Variants in ROBO2 observed in about 807,000 individuals in gnomAD.
The protein encoded by ROBO2 is roundabout guidance receptor 2.
Under a neutral mutation model 160.8 loss-of-function variants are expected in ROBO2, and 53 were observed. That is an observed-to-expected ratio of 0.33 (90% CI 0.26 to 0.41). The LOEUF is 0.41. ROBO2 is among the 10% of genes least tolerant of loss of function. The pLI is 1.00. For synonymous variants in ROBO2, 664 were observed against 611.7 expected (o/e 1.09, Z -1.26); for missense variants, 1,577 against 1,722.4 (o/e 0.92, Z 1.49).
At chr3:77,463,075 A>G (rs2082404652) in intron 2 of ROBO2, among the ~76,000 whole-genome samples, 1 of 152,172 alleles carries the variant, frequency 6.6e-6, no homozygotes, top group Non-Finnish European at 1.5e-5. Context: ...CTTTAGCACC[A>G]TGAGGGGACC....
At chr3:77,497,255 CA>C (rs2086909347) in intron 5 of ROBO2, among the ~76,000 whole-genome samples, 1 of 152,018 alleles carries the variant, frequency 6.6e-6, no homozygotes, top group African/African-American at 2.4e-5. Context: ...TAGAAGATTT[CA>C]ATACATATGT....
At chr3:76,964,858 G>GTAAT (rs2079955259) in intron 2 of ROBO2, among the ~76,000 whole-genome samples, 1 of 152,184 alleles carries the variant, frequency 6.6e-6, no homozygotes, top group Admixed American at 6.5e-5. Flanking sequence ...ACTACTTTTA[G>GTAAT]TAATTCATAG....
intron 2 of ROBO2, among the ~76,000 whole-genome samples, chr3:76,735,657 G>A (rs2093696240): frequency 6.6e-6 from 1 of 150,834 alleles, no homozygotes; most frequent in Admixed American, 6.6e-5. Context: ...AGCTACTAGA[G>A]AGGCTGAGGT....
chr3:76,211,390 A>G (rs1359638978), intron 2 of ROBO2, among the ~76,000 whole-genome samples: 1 of 152,108 alleles, frequency 6.6e-6, no homozygotes, highest in Non-Finnish European at 1.5e-5. Context: ...TAGAAAAAAG[A>G]ATGTCAGATA....
chr3:77,380,293 T>C (rs1469897166), intron 2 of ROBO2, among the ~76,000 whole-genome samples: 1 of 152,186 alleles, frequency 6.6e-6, no homozygotes, highest in Non-Finnish European at 1.5e-5. Context: ...CATCTGTTCC[T>C]TCTTGATGAT....
intron 2 of ROBO2, among the ~76,000 whole-genome samples, chr3:77,474,400 G>A (rs924962978): frequency 1.3e-5 from 2 of 152,094 alleles, no homozygotes; most frequent in Non-Finnish European, 1.5e-5. Flanking sequence ...AGGCAAAGGG[G>A]ACGCTTTCCC....
At chr3:76,571,599 A>C (rs2084961614) in intron 2 of ROBO2, among the ~76,000 whole-genome samples, 1 of 152,134 alleles carries the variant, frequency 6.6e-6, no homozygotes, top group Non-Finnish European at 1.5e-5. Flanking sequence ...AATTCATAGG[A>C]GTTAGGTAAT....
At position 77,316,953 on chromosome 3, in the gene ROBO2, C is replaced by T. The variant is rs184736138; in HGVS notation, c.389-160461C>T. On this transcript the variant is annotated intron_variant, in intron 2 of 25. Coordinates refer to ENST00000461745, the Ensembl canonical transcript of ROBO2. Reference sequence around the variant, plus strand: ...GATACTTGGCTGCTGTTCCGAAGCGCGTGTTACTGTTTCCTGCTGTCCAGA... The same window carrying T: ...GATACTTGGCTGCTGTTCCGAAGCGTGTGTTACTGTTTCCTGCTGTCCAGA... 7.6e-5 allele frequency: 103 copies of T among 1,349,030 alleles called. 1 individual carries two copies. The highest frequency in any genetic ancestry group is 9.5e-5 in the Non-Finnish European group (89 of 940,204). The allele number at this position is 1,349,030 out of a possible 1,614,324, so 83.6% of individuals were successfully genotyped here. A position where few individuals can be genotyped will look rare whatever the true frequency, so the allele number is the denominator to read the frequency against.
At chr3:76,927,181 A>C (rs2077040622) in intron 2 of ROBO2, among the ~76,000 whole-genome samples, 1 of 152,156 alleles carries the variant, frequency 6.6e-6, no homozygotes, top group South Asian at 2.1e-4. Flanking sequence ...ACTAATTTTC[A>C]TTGGATTCAA....
chr3:77,406,592 A>G (rs1181666085), intron 2 of ROBO2, among the ~76,000 whole-genome samples: 5 of 152,212 alleles, frequency 3.3e-5, no homozygotes, highest in Non-Finnish European at 7.3e-5. Flanking sequence ...ATACTTATTA[A>G]TTGGATGCTA....
At chr3:76,316,790 T>A (rs747312759) in intron 2 of ROBO2, among the ~76,000 whole-genome samples, 4 of 152,208 alleles carry the variant, frequency 2.6e-5, no homozygotes, top group Non-Finnish European at 5.9e-5. Context: ...TTTTGGGAAC[T>A]GATAAATGTC....
chr3:77,437,164 C>T (rs1177339369), intron 2 of ROBO2, among the ~76,000 whole-genome samples: 2 of 151,946 alleles, frequency 1.3e-5, no homozygotes, highest in East Asian at 3.9e-4. Context: ...GTGGAACCAC[C>T]CTGTGGCAAT....
intron 2 of ROBO2, among the ~76,000 whole-genome samples, chr3:76,552,602 C>A (rs1420425174): frequency 6.6e-6 from 1 of 152,134 alleles, no homozygotes; most frequent in Admixed American, 6.6e-5. Flanking sequence ...AAACAATAAA[C>A]CTTTCACAGA....
intron 23 of ROBO2, among the ~76,000 whole-genome samples, chr3:77,623,917 T>A (rs1415016455): frequency 6.6e-6 from 1 of 152,206 alleles, no homozygotes; most frequent in African/African-American, 2.4e-5. Flanking sequence ...TAAATACGTC[T>A]ATAAATCAAG....
chr3:76,538,250 AC>A (rs1374864645), intron 2 of ROBO2, among the ~76,000 whole-genome samples: 1 of 152,000 alleles, frequency 6.6e-6, no homozygotes, highest in Non-Finnish European at 1.5e-5. Context: ...TTCTGGTTTA[AC>A]TGTGTACAAA....
chr3:77,476,855 C>G (rs2084070725), intron 2 of ROBO2, among the ~76,000 whole-genome samples: 2 of 152,080 alleles, frequency 1.3e-5, no homozygotes, highest in Admixed American at 1.3e-4. Context: ...AAAATGTAGC[C>G]CTGCGTATGT....
chr3:77,223,559 T>C (rs2086107401), intron 2 of ROBO2, among the ~76,000 whole-genome samples: 1 of 152,082 alleles, frequency 6.6e-6, no homozygotes, highest in Non-Finnish European at 1.5e-5. Flanking sequence ...GATGACATGA[T>C]CAAATGGTAC....
chr3:76,602,587 T>G, intron 2 of ROBO2, among the ~76,000 whole-genome samples: 1 of 152,168 alleles, frequency 6.6e-6, no homozygotes, highest in South Asian at 2.1e-4. Context: ...AACCATCAGA[T>G]CTCATGAGAC....
intron 2 of ROBO2, among the ~76,000 whole-genome samples, chr3:75,977,870 T>A (rs1411569548): frequency 3.3e-5 from 5 of 151,558 alleles, no homozygotes; most frequent in African/African-American, 9.7e-5. Flanking sequence ...GCATGAACAA[T>A]TTTGAAAACA....
Sources: allele counts gnomAD v4.1 joint callset (sites outside exome capture counted in the v4.1 genomes callset), GRCh38; gene constraint gnomAD v4.1.1; transcripts MANE v1.5; gene names NCBI Gene and HGNC (gene_info 2026-07-23, HGNC 2026-07-21).